SLC71A2: variants seen among roughly 807,000 people sequenced by gnomAD.
SLC71A2 encodes the protein solute carrier family 71 member 2.
the SLC71A2 span, among the ~76,000 whole-genome samples, chr9:94,456,862 A>G: frequency 2.6e-5 from 4 of 152,196 alleles, no homozygotes. Flanking sequence ...ATAGCATTCT[A>G]CCATCTAGAT....
chr9:94,427,465 AGAT>A, the SLC71A2 span, among the ~76,000 whole-genome samples: 1 of 151,144 alleles, frequency 6.6e-6, no homozygotes, highest in Non-Finnish European at 1.5e-5. Context: ...ATTCATCCAT[AGAT>A]ACGGTTTTGC....
At chr9:94,407,137 A>G in the SLC71A2 span, among the ~76,000 whole-genome samples, 1 of 150,824 alleles carries the variant, frequency 6.6e-6, no homozygotes, top group Non-Finnish European at 1.5e-5. Flanking sequence ...AGTGTGTTGA[A>G]TTTTGTCAGA....
the SLC71A2 span, among the ~76,000 whole-genome samples, chr9:94,455,162 T>TTTG: frequency 1.0e-4 from 10 of 98,336 alleles, no homozygotes; most frequent in African/African-American, 3.9e-4. Context: ...TTTCCTTTTT[T>TTTG]TTTTTTTTTT....
At chr9:94,454,404 G>A in the SLC71A2 span, among the ~76,000 whole-genome samples, 1 of 151,970 alleles carries the variant, frequency 6.6e-6, no homozygotes, top group South Asian at 2.1e-4. Flanking sequence ...GTCTCACTCT[G>A]TTGCCCAGGC....
the SLC71A2 span, among the ~76,000 whole-genome samples, chr9:94,382,043 T>A: frequency 6.6e-6 from 1 of 151,786 alleles, no homozygotes; most frequent in Non-Finnish European, 1.5e-5. Flanking sequence ...TTTTTCCTCC[T>A]CCGGCAGAGT....
chr9:94,383,962 T>G, the SLC71A2 span, among the ~76,000 whole-genome samples: 1 of 152,218 alleles, frequency 6.6e-6, no homozygotes, highest in Non-Finnish European at 1.5e-5. Context: ...TGCCAGCATA[T>G]AGAAATACGG....
At chr9:94,459,726 G>A in the SLC71A2 span, 17 of 286,174 alleles carry the variant, frequency 5.9e-5, no homozygotes, top group South Asian at 2.0e-4. Context: ...TGGCTTTCCT[G>A]TAATGACTAT....
chr9:94,393,784 A>G, the SLC71A2 span, among the ~76,000 whole-genome samples: 1 of 134,946 alleles, frequency 7.4e-6, no homozygotes, highest in South Asian at 2.6e-4. Flanking sequence ...TTATAGGATA[A>G]TTATACTTTT....
the SLC71A2 span, among the ~76,000 whole-genome samples, chr9:94,454,375 T>C: frequency 1.3e-5 from 2 of 152,176 alleles, no homozygotes; most frequent in South Asian, 2.1e-4. Context: ...CCAATTTTTT[T>C]TTCTTTCCCT....
chr9:94,391,682 G>A, the SLC71A2 span, among the ~76,000 whole-genome samples: 1 of 149,314 alleles, frequency 6.7e-6, no homozygotes, highest in Non-Finnish European at 1.5e-5. Flanking sequence ...CTGTTCAGGA[G>A]TTTGAGACCA....
the SLC71A2 span, among the ~76,000 whole-genome samples, chr9:94,433,709 TA>T: frequency 1.3e-5 from 2 of 152,196 alleles, no homozygotes; most frequent in African/African-American, 4.8e-5. Context: ...CATTTCTAAA[TA>T]AAATTCCCAA....
chr9:94,453,868 G>A, the SLC71A2 span: 2 of 853,576 alleles, frequency 2.3e-6, no homozygotes, highest in Non-Finnish European at 3.9e-6. Flanking sequence ...GAGGTCTCTG[G>A]TCATCAGGGA....
At chr9:94,444,062 AAG>A in the SLC71A2 span, among the ~76,000 whole-genome samples, 19 of 152,328 alleles carry the variant, frequency 1.2e-4, no homozygotes, top group South Asian at 2.1e-4. Context: ...ATGGATGAAA[AAG>A]AATTTTTTAT....
the SLC71A2 span, among the ~76,000 whole-genome samples, chr9:94,441,607 G>A: frequency 2.6e-5 from 4 of 152,156 alleles, no homozygotes; most frequent in Admixed American, 2.0e-4. Context: ...TCTGATCCCC[G>A]GAGGAGCGTT....
the SLC71A2 span, chr9:94,438,570 G>A: frequency 6.2e-7 from 1 of 1,602,726 alleles, no homozygotes; most frequent in Non-Finnish European, 8.5e-7. Flanking sequence ...CTTGTTTTGA[G>A]TCACATGTAA....
chr9:94,383,613 A>G, the SLC71A2 span, among the ~76,000 whole-genome samples: 17 of 152,128 alleles, frequency 1.1e-4, no homozygotes, highest in South Asian at 2.1e-4. Flanking sequence ...CAGTCCCCCA[A>G]TCTTGTTATT....
the SLC71A2 span, among the ~76,000 whole-genome samples, chr9:94,391,413 G>C: frequency 6.6e-6 from 1 of 151,302 alleles, no homozygotes; most frequent in East Asian, 1.9e-4. Flanking sequence ...GAGATGTTGA[G>C]GAACTAGTAG....
chr9:94,390,208 C>T, the SLC71A2 span, among the ~76,000 whole-genome samples: 1 of 151,706 alleles, frequency 6.6e-6, no homozygotes, highest in Non-Finnish European at 1.5e-5. Context: ...AGCAAGACTC[C>T]ATCTCAAAGA....
the SLC71A2 span, among the ~76,000 whole-genome samples, chr9:94,400,883 C>G: frequency 6.6e-6 from 1 of 152,174 alleles, no homozygotes; most frequent in African/African-American, 2.4e-5. Context: ...CCCTACCCTC[C>G]AACTCCAGCT....
Sources: gnomAD v4.1 joint callset for allele counts (sites outside exome capture counted in the v4.1 genomes callset) on GRCh38, gnomAD v4.1.1 for gene constraint, MANE v1.5 for transcripts, NCBI Gene and HGNC (gene_info 2026-07-23, HGNC 2026-07-21) for gene names.